The following CFAP57 variants were observed in gnomAD, a reference collection of about 807,000 sequenced individuals.
CFAP57 encodes the protein cilia- and flagella-associated protein 57.
In CFAP57, 116 loss-of-function variants were observed where a neutral mutation model predicts 146.8. The ratio of observed to expected loss-of-function variants is 0.79; its 90% confidence interval spans 0.68 to 0.92. The LOEUF is 0.92. Ranked by LOEUF, CFAP57 falls within the 40% of genes least tolerant of loss-of-function variation. The pLI is 0.00. For missense variants in CFAP57, 1,377 were observed against 1,527.2 expected, an observed-to-expected ratio of 0.90 and a Z score of 1.64; for synonymous variants, 518 against 552.8, an observed-to-expected ratio of 0.94 and a Z score of 0.88.
intron 10 of CFAP57, 31 bp from the exon 11 acceptor site, chr1:43,209,712 C>T (rs1644512243): frequency 6.2e-7 from 1 of 1,606,460 alleles, no homozygotes; most frequent in Admixed American, 1.7e-5. Context: ...AGCTCGACCC[C>T]TCACACTGAG....
intron 21 of CFAP57, among the ~76,000 whole-genome samples, chr1:43,240,898 G>A (rs7528492): frequency 0.19 from 28,486 of 152,092 alleles, 3,440 homozygotes; most frequent in African/African-American, 0.34. Flanking sequence ...GCAGTGGCAC[G>A]ATCTCGGCTC....
At chr1:43,179,316 G>A (rs12043395) in intron 2 of CFAP57, among the ~76,000 whole-genome samples, 15 of 152,158 alleles carry the variant, frequency 9.9e-5, no homozygotes, top group Non-Finnish European at 1.5e-4. Flanking sequence ...TGTGAGAGGC[G>A]AAAATGTTTT....
chr1:43,248,160 A>C (rs1646184661), intron 22 of CFAP57, among the ~76,000 whole-genome samples: 1 of 140,912 alleles, frequency 7.1e-6, no homozygotes, highest in East Asian at 2.0e-4. Context: ...AAAAAAAAAA[A>C]CAGTTATTTT....
intron 9 of CFAP57, among the ~76,000 whole-genome samples, chr1:43,204,037 G>A (rs1644248366): frequency 1.3e-5 from 2 of 152,152 alleles, no homozygotes; most frequent in Admixed American, 1.3e-4. Context: ...TTCTTGATTA[G>A]TGTTTCTCTC....
chr1:43,238,772 G>A lies in CFAP57; in HGVS notation c.3405+4134G>A, dbSNP rs987887382. Among the ~76,000 whole-genome samples the A allele has an allele frequency of 3.9e-5, 6 of 152,064 alleles. No individual in the cohort carries two copies. The highest frequency in any genetic ancestry group is 1.2e-4 in the African/African-American group (5 of 41,384). On this transcript the variant is annotated intron_variant, in intron 21 of 22. Transcript: ENST00000372492. The surrounding 1 kb of genome is among the most constrained non-coding windows in gnomAD (Gnocchi z 4.3). ...AATGGAGGTGACATAAATGTGAGGG[G>A]GGACAGCAGAGCCTGGAAAGCAGTA... is the stretch of plus-strand genomic sequence containing the variant.
At position 43,176,974 on chromosome 1, in the gene CFAP57, G is replaced by C. The variant is rs529089893; in HGVS notation, c.157+4064G>C. ...CAGTGTGGCTGGAGTGGTAAGAACC[G>C]GGGGGTGAGGAGCAAGAGGGGAGGC... On this transcript the variant is annotated intron_variant, in intron 2 of 22. Transcript: ENST00000372492. The C allele has an allele frequency of 9.6e-5, 35 of 364,524 alleles. No homozygotes were observed. In the Middle Eastern group the frequency reaches 4.0e-3, roughly 41 times the overall value. The allele number at this position is 364,524 out of a possible 1,614,324, so 22.6% of individuals were successfully genotyped here.
At chr1:43,193,343 A>T (rs1448975275) in intron 6 of CFAP57, among the ~76,000 whole-genome samples, 1 of 152,140 alleles carries the variant, frequency 6.6e-6, no homozygotes, top group Non-Finnish European at 1.5e-5. Flanking sequence ...TTGTTTAATC[A>T]GTTCACATTT....
chr1:43,222,366 G>A, intron 15 of CFAP57, 71 bp downstream of exon 15: 11 of 1,306,540 alleles, frequency 8.4e-6, no homozygotes, highest in Non-Finnish European at 1.0e-5. Flanking sequence ...GATCTCCATG[G>A]CATAGCCACT....
intron 6 of CFAP57, among the ~76,000 whole-genome samples, chr1:43,194,070 G>A (rs1643711880): frequency 1.3e-5 from 2 of 152,104 alleles, no homozygotes; most frequent in East Asian, 3.9e-4. Flanking sequence ...TTTGTTTTGT[G>A]TGGATTTGAA....
At chr1:43,249,214 A>G (rs1646238608) in intron 22 of CFAP57, among the ~76,000 whole-genome samples, 2 of 151,660 alleles carry the variant, frequency 1.3e-5, no homozygotes, top group African/African-American at 4.8e-5. Flanking sequence ...ACCCTTTCTT[A>G]ATTGGAAATG....
At chr1:43,189,106 C>T (rs1643338841) in intron 6 of CFAP57, among the ~76,000 whole-genome samples, 1 of 152,194 alleles carries the variant, frequency 6.6e-6, no homozygotes, top group South Asian at 2.1e-4. Flanking sequence ...ATTGATCTGT[C>T]TATCTTTATG....
At chr1:43,220,275 G>C (rs1475479898) in intron 13 of CFAP57, among the ~76,000 whole-genome samples, 1 of 152,140 alleles carries the variant, frequency 6.6e-6, no homozygotes, top group Non-Finnish European at 1.5e-5. Context: ...AAAAAGATAA[G>C]AAAATCAAAG....
At chr1:43,248,138 CAAAAAAAAA>C (rs35277187) in intron 22 of CFAP57, among the ~76,000 whole-genome samples, 33 of 54,818 alleles carry the variant, frequency 6.0e-4, no homozygotes, top group African/African-American at 2.4e-3. Flanking sequence ...GACTCTGTCT[CAAAAAAAAA>C]AAAAAAAAAA....
chr1:43,172,805 G>C lies in CFAP57; in HGVS notation c.52G>C (p.Val18Leu), dbSNP rs772061713. 1 of 1,614,142 alleles carries C rather than the reference G, an allele frequency of 6.2e-7. No homozygotes were observed. Among genetic ancestry groups the C allele is most frequent in the Non-Finnish European group, 8.5e-7 (1 of 1,180,010 alleles). Residue 18 changes from valine to leucine, a missense_variant, in exon 2 of 23, where the codon GTG (valine) becomes CTG (leucine). Coordinates refer to ENST00000372492, the MANE Select transcript of CFAP57 (RefSeq NM_001378189.1). ...TLHVFGLRSH[V>L]ANNIFYFDEQ... is the part of the protein sequence containing the mutation. ...GCATGTTTTTGGTCTTCGATCCCAC[G>C]TGGCCAACAATATCTTCTACTTCGA...
Position 43,172,430 on chromosome 1 carries a change from T to G in CFAP57, c.-43T>G. 1 of 1,550,868 alleles carries G rather than the reference T, an allele frequency of 6.4e-7. No homozygotes were observed. The highest frequency in any genetic ancestry group is 8.7e-7 in the Non-Finnish European group (1 of 1,146,686). On this transcript the variant is annotated 5_prime_UTR_variant, in exon 1 of 23. Coordinates refer to ENST00000372492, the MANE Select transcript of CFAP57 (RefSeq NM_001378189.1). ...AGCGCCTCTGGATACATGCGTGGTC[T>G]GCTGACCCAGAGAGAAACGAAAGGT...
chr1:43,223,085 T>A, intron 16 of CFAP57, 88 bp downstream of exon 16: 1 of 1,389,920 alleles, frequency 7.2e-7, no homozygotes, highest in Non-Finnish European at 9.6e-7. Flanking sequence ...CTGGGGGTGC[T>A]GGCCAGGGTC....
rs2453412 is a variant in CFAP57, at chr1:43,209,796, G to A, written c.1809G>A (p.Ser603=). ...FDVTYTAIVI[S]HSGRMMFVGT... ...TCACCTACACCGCCATTGTCATCTC[G>A]CATTCTGGACGCATGATGTTTGTGG... Residue 603 remains serine, a synonymous_variant, in exon 11 of 23, where the codon TCG becomes TCA. Transcript: ENST00000372492. The A allele has an allele frequency of 0.84, 1,355,815 of 1,613,788 alleles. 575,754 individuals carry two copies. Among genetic ancestry groups the A allele is most frequent in the Non-Finnish European group, 0.88 (1,035,251 of 1,179,922 alleles).
chr1:43,175,780 A>ACAC (rs1645146049), intron 2 of CFAP57, among the ~76,000 whole-genome samples: 1 of 149,890 alleles, frequency 6.7e-6, no homozygotes, highest in South Asian at 2.1e-4. Context: ...AGCTGGGATT[A>ACAC]CAGGTGCAAG....
intron 10 of CFAP57, 28 bp from the exon 11 acceptor site, chr1:43,209,715 A>C: frequency 6.2e-7 from 1 of 1,608,366 alleles, no homozygotes; most frequent in Non-Finnish European, 8.5e-7. Context: ...TCGACCCCTC[A>C]CACTGAGCAG....
Sources: gnomAD v4.1 joint callset for allele counts (sites outside exome capture counted in the v4.1 genomes callset) on GRCh38, gnomAD v4.1.1 for gene constraint, Gnocchi (gnomAD v3.1) non-coding constraint, MANE v1.5 for transcripts, NCBI Gene and HGNC (gene_info 2026-07-23, HGNC 2026-07-21) for gene names.